Variants in STAG3 observed in about 807,000 individuals in gnomAD.
STAG3 encodes the protein STAG3 cohesin complex component.
STAG3 carries 101 observed loss-of-function variants against 160.7 expected under a neutral mutation model. The ratio of observed to expected loss-of-function variants is 0.63; its 90% CI spans 0.54 to 0.74. STAG3 has a LOEUF of 0.74. STAG3 is among the 30% of genes least tolerant of loss of function. The probability of loss-of-function intolerance (pLI) is 0.00; values close to 1 mark genes in which losing one functional copy is unlikely to be tolerated. For missense variants in STAG3, 1,188 were observed against 1,517.4 expected, an observed-to-expected ratio of 0.78 and a Z score of 3.61; for synonymous variants, 519 against 585.0, an observed-to-expected ratio of 0.89 and a Z score of 1.63.
chr7:100,182,275 C>T (rs187538572), intron 3 of STAG3, 83 bp downstream of exon 3: 14 of 1,014,410 alleles, frequency 1.4e-5, no homozygotes, highest in South Asian at 6.8e-5. Flanking sequence ...AGGAGAATGG[C>T]GTGAACCCAG....
intron 4 of STAG3, among the ~76,000 whole-genome samples, chr7:100,183,790 T>G (rs1222764852): frequency 6.6e-6 from 1 of 152,288 alleles, no homozygotes; most frequent in Non-Finnish European, 1.5e-5. Flanking sequence ...AATCCATTAT[T>G]CAGGCTTCTA....
chr7:100,199,404 A>G, intron 15 of STAG3, 37 bp downstream of exon 15: 1 of 1,591,518 alleles, frequency 6.3e-7, no homozygotes, highest in Non-Finnish European at 8.6e-7. Context: ...GGGACCTTCC[A>G]CCCCCTAGGG....
rs1799573982 is a variant in STAG3, at chr7:100,180,492, G to A, written c.-64-1G>A. ...AGCCCTTTCTTCTCTTTCTTCCCCA[G>A]CTGGATCGCCATACCTACCCTGTGG... On this transcript the variant is annotated splice_acceptor_variant, in intron 1 of 33. Transcript: ENST00000615138. LOFTEE classifies it low-confidence loss of function (5UTR_SPLICE). The A allele has an allele frequency of 1.1e-6, 1 of 927,848 alleles. No individual in the cohort carries two copies. Among genetic ancestry groups the A allele is most frequent in the Non-Finnish European group, 1.8e-6 (1 of 557,876 alleles). 57.5% of individuals were successfully genotyped at this position (927,848 alleles called of 1,614,324 possible). A position where few individuals can be genotyped will look rare whatever the true frequency, so the allele number is the denominator to read the frequency against.
Position 100,202,261 on chromosome 7 carries a change from T to C in STAG3, c.2484T>C (p.Phe828=). The part of the protein sequence containing the change: ...GRDFLRPLVF[F]PEATLQSELA... ...ATTTCCTTAGGCCACTTGTCTTTTT[T>C]CCTGAAGCTACTCTCCAGTCTGAGC... Residue 828 remains phenylalanine, a synonymous_variant, in exon 24 of 34, where the codon TTT becomes TTC. Transcript: ENST00000615138. 1 of 1,614,206 alleles carries C rather than the reference T, an allele frequency of 6.2e-7. No homozygotes were observed. The highest frequency in any genetic ancestry group is 2.2e-5 in the East Asian group (1 of 44,892).
At chr7:100,217,506 AT>A (rs1031134979), downstream of STAG3, among the ~76,000 whole-genome samples, 4 of 142,748 alleles carry the variant, frequency 2.8e-5, no homozygotes, top group African/African-American at 1.0e-4. Context: ...GAGATGAGAG[AT>A]GGTAGAAATG....
rs199739182 is a variant in STAG3 at position 100,179,258 on chromosome 7, G to GT, written c.-64-1231dup. 2.0e-3 allele frequency among the ~76,000 whole-genome samples: 268 copies of GT among 135,340 alleles called. 4 individuals carry two copies. Among genetic ancestry groups the GT allele is most frequent in the East Asian group, 3.1e-3 (13 of 4,160 alleles). The allele number at this position is 135,340 out of a possible 152,430, so 88.8% of individuals were successfully genotyped here. On this transcript the variant is annotated intron_variant, in intron 1 of 33. Transcript: ENST00000615138. ...CTGCCCTGGTGTGTACCTTGCTTGG[G>GT]TTTTGTTTTTTTTTTTTTGGGTGTG... is the stretch of plus-strand genomic sequence containing the variant.
intron 15 of STAG3, 44 bp downstream of exon 15, chr7:100,199,411 A>G (rs757077887): frequency 7.0e-6 from 11 of 1,567,484 alleles, no homozygotes; most frequent in African/African-American, 2.7e-5. Context: ...TCCACCCCCT[A>G]GGGTGAAACT....
chr7:100,216,375 C>T (rs538600939), downstream of STAG3, among the ~76,000 whole-genome samples: 26 of 151,958 alleles, frequency 1.7e-4, no homozygotes, highest in Admixed American at 4.6e-4. Context: ...CATGAGTTGA[C>T]GAAATAAGTG....
intron 29 of STAG3, among the ~76,000 whole-genome samples, chr7:100,208,210 T>A (rs1801844565): frequency 6.6e-6 from 1 of 152,198 alleles, no homozygotes; most frequent in Admixed American, 6.6e-5. Flanking sequence ...GAGGTGTGAT[T>A]TCCTTTTGTT....
chr7:100,198,632 C>G, intron 13 of STAG3, 50 bp downstream of exon 13: 2 of 1,541,502 alleles, frequency 1.3e-6, no homozygotes, highest in Middle Eastern at 2.3e-4. Context: ...CTCGGTTTCT[C>G]TCCTCCATCT....
chr7:100,200,887 T>C lies in STAG3; in HGVS notation c.1979T>C (p.Phe660Ser). The C allele has an allele frequency of 1.2e-6, 2 of 1,614,224 alleles. No individual in the cohort carries two copies. Among genetic ancestry groups the C allele is most frequent in the South Asian group, 1.1e-5 (1 of 91,082 alleles). The change falls in exon 19 of 34, where the codon TTC (phenylalanine) becomes TCC (serine). Residue 660 changes from phenylalanine (F) to serine (S), a missense_variant. Coordinates refer to ENST00000615138, the MANE Select transcript of STAG3 (RefSeq NM_001282717.2). The stretch of plus-strand genomic sequence containing the variant: ...CTCTGTAATCCCGAATTCACTTTCT[T>C]CAGCCGGGCGGACTTTGCCCGCAGC... ...YLLCNPEFTF[F>S]SRADFARSQL...
intron 16 of STAG3, 49 bp downstream of exon 16, chr7:100,199,693 A>G: frequency 7.3e-7 from 1 of 1,369,600 alleles, no homozygotes; most frequent in Non-Finnish European, 1.0e-6. Flanking sequence ...CAGTCTTGAC[A>G]GGCAATGTGC....
chr7:100,201,798 G>C lies in STAG3; in HGVS notation c.2233G>C (p.Ala745Pro). The C allele has an allele frequency of 4.3e-6, 7 of 1,614,122 alleles. No homozygotes were observed. Among genetic ancestry groups the C allele is most frequent in the Admixed American group, 1.7e-5 (1 of 60,022 alleles). ...TTTGTTGTTACAGGTTATCCTGCCAGCCTTGACTCTTGTCTATTTTTCCAT... is the reference window on the plus strand; with the variant it reads ...TTTGTTGTTACAGGTTATCCTGCCACCCTTGACTCTTGTCTATTTTTCCAT... Reference protein sequence around the residue: ...GEVPHQVILPALTLVYFSILW... With the variant: ...GEVPHQVILPPLTLVYFSILW... The change falls in exon 22 of 34, where the codon GCC becomes CCC. Residue 745 changes from alanine (A) to proline (P), a missense_variant. Transcript: ENST00000615138.
chr7:100,207,719 TCTAA>T lies in STAG3; in HGVS notation c.3238+2338_3238+2341del, dbSNP rs557265529. Among the ~76,000 whole-genome samples the T allele has an allele frequency of 7.5e-4, 115 of 152,336 alleles. 1 individual carries two copies. The highest frequency in any genetic ancestry group is 6.8e-3 in the Middle Eastern group (2 of 294). On this transcript the variant is annotated intron_variant, in intron 29 of 33. Transcript: ENST00000615138. The surrounding 1 kb of genome is among the most constrained non-coding windows in gnomAD (Gnocchi z 4.0). ...ACAAAAGTTCTTGAATTTGGTGAAA[TCTAA>T]CTTTTTCCTTTTGTTGCTTGTGCTT...
In STAG3 at chr7:100,197,197, T is replaced by C. The variant is rs371183993; in HGVS notation, c.983T>C (p.Ile328Thr). 108 of 1,600,466 alleles carry C rather than the reference T, an allele frequency of 6.7e-5. No individual in the cohort carries two copies. Among genetic ancestry groups the C allele is most frequent in the Non-Finnish European group, 8.2e-5 (96 of 1,170,104 alleles). Residue 328 changes from isoleucine (I) to threonine (T), a missense_variant, in exon 10 of 34, where the codon ATT becomes ACT. Coordinates refer to ENST00000615138, the MANE Select transcript of STAG3 (RefSeq NM_001282717.2). ...PEIRAICIEE[I>T]GCWMQSYSTS... ...ATCCGTGCTATCTGCATTGAGGAAA[T>C]TGGGTGTTGGATGCAAAGCTACAGC... is the stretch of plus-strand genomic sequence containing the variant.
chr7:100,202,447 G>A lies in STAG3; in HGVS notation c.2564-7G>A. 6.2e-7 allele frequency: 1 copy of A among 1,612,574 alleles called. No individual in the cohort carries two copies. Among genetic ancestry groups the A allele is most frequent in the Non-Finnish European group, 8.5e-7 (1 of 1,178,806 alleles). On this transcript the variant is annotated splice_region_variant and splice_polypyrimidine_tract_variant and intron_variant, in intron 24 of 33. Coordinates refer to ENST00000615138, the MANE Select transcript of STAG3 (RefSeq NM_001282717.2). ...TGTGATTCCCTTTTGCCTTCCATGT[G>A]AGCCAGGTGATTCCCAGGAGGATCA...
At position 100,199,072 on chromosome 7, in the gene STAG3, T is replaced by C. The variant is rs1162955984; in HGVS notation, c.1467+115T>C. 2.6e-5 allele frequency: 27 copies of C among 1,049,798 alleles called. No individual in the cohort carries two copies. The Admixed American group carries it at 5.0e-4, about 19-fold the overall frequency. The allele number at this position is 1,049,798 out of a possible 1,614,324, so 65.0% of individuals were successfully genotyped here. ...TGGGAGGCTGAGGTGGGAGGATCCT[T>C]TGAGCCCAGGAGTTTGAGACCAGCC... On this transcript the variant is annotated intron_variant, in intron 14 of 33. Coordinates refer to ENST00000615138, the MANE Select transcript of STAG3 (RefSeq NM_001282717.2).
downstream of STAG3, chr7:100,214,831 G>GT (rs1198014637): frequency 3.3e-5 from 5 of 152,058 alleles, no homozygotes; most frequent in Non-Finnish European, 4.4e-5. Context: ...TACTCTAAAT[G>GT]TCCAACCCTA....
At chr7:100,200,727 T>G in intron 18 of STAG3, 42 bp from the exon 19 acceptor site, 2 of 1,603,090 alleles carry the variant, frequency 1.2e-6, no homozygotes, top group Non-Finnish European at 1.7e-6. Flanking sequence ...AGTGTCCTCC[T>G]CCCATCCCCA....
Sources: gnomAD v4.1 joint callset for allele counts (sites outside exome capture counted in the v4.1 genomes callset) on GRCh38, gnomAD v4.1.1 for gene constraint, Gnocchi (gnomAD v3.1) non-coding constraint, MANE v1.5 for transcripts, NCBI Gene and HGNC (gene_info 2026-07-23, HGNC 2026-07-21) for gene names.